NUP58: variants seen among roughly 807,000 people sequenced by gnomAD.
NUP58 encodes nucleoporin p58/p45.
NUP58 carries 17 observed loss-of-function variants against 70.1 expected under a neutral mutation model. That is an observed-to-expected ratio of 0.24 (90% confidence interval 0.17 to 0.36). The LOEUF is 0.36. Ranked by LOEUF, NUP58 falls within the 10% of genes least tolerant of loss-of-function variation. The pLI, the probability that NUP58 is intolerant of heterozygous loss-of-function variation, is 1.00. For synonymous variants in NUP58, 275 were observed against 257.6 expected (o/e 1.07, Z -0.65); for missense variants, 644 against 701.5 (o/e 0.92, Z 0.93).
chr13:25,340,916 C>T lies in NUP58; in HGVS notation c.*782C>T, dbSNP rs2031935352. The T allele has an allele frequency of 6.6e-6, 1 of 152,152 alleles. No individual in the cohort carries two copies. The allele number at this position is 152,152 out of a possible 1,614,324, so 9.4% of individuals were successfully genotyped here. On this transcript the variant is annotated 3_prime_UTR_variant, in exon 16 of 16. Coordinates refer to ENST00000381736, the MANE Select transcript of NUP58 (RefSeq NM_014089.4). ...CTGGGCAACAAGAGCAAAACTCCGTCTCAAAAAAGATGAAAATAAAATAAA... is the reference window on the plus strand; with the variant it reads ...CTGGGCAACAAGAGCAAAACTCCGTTTCAAAAAAGATGAAAATAAAATAAA...
At chr13:25,315,929 G>C (rs1424919999) in intron 6 of NUP58, among the ~76,000 whole-genome samples, 1 of 152,152 alleles carries the variant, frequency 6.6e-6, no homozygotes, top group Non-Finnish European at 1.5e-5. Context: ...TGACCTTATT[G>C]AAGTTACTTA....
intron 3 of NUP58, 138 bp downstream of exon 3, chr13:25,309,420 C>T: frequency 1.6e-6 from 1 of 620,920 alleles, no homozygotes; most frequent in Non-Finnish European, 2.7e-6. Flanking sequence ...CAGATGGTGA[C>T]TTATCGGAGA....
chr13:25,328,266 A>C (rs2031476980), intron 12 of NUP58, among the ~76,000 whole-genome samples: 1 of 152,136 alleles, frequency 6.6e-6, no homozygotes, highest in South Asian at 2.1e-4. Flanking sequence ...ATCTGTTTTA[A>C]GTGTTTATTG....
intron 13 of NUP58, chr13:25,335,992 A>G (rs1366761187): frequency 1.4e-5 from 16 of 1,104,254 alleles, no homozygotes; most frequent in South Asian, 2.1e-5. Flanking sequence ...AAAAAATAGT[A>G]GTTTAAAAGA....
intron 13 of NUP58, 123 bp from the exon 14 acceptor site, chr13:25,336,813 T>C: frequency 3.3e-6 from 2 of 613,944 alleles, no homozygotes; most frequent in Non-Finnish European, 5.4e-6. Flanking sequence ...TTTTAACAAA[T>C]GGAATCAGTT....
At chr13:25,345,584 TGG>T (rs58929945), downstream of NUP58, among the ~76,000 whole-genome samples, 10 of 147,582 alleles carry the variant, frequency 6.8e-5, no homozygotes, top group Non-Finnish European at 8.9e-5. Context: ...ATGGGGGCGG[TGG>T]GGGGGGGTCT....
intron 13 of NUP58, chr13:25,332,899 C>T (rs2031660602): frequency 2.0e-6 from 2 of 984,342 alleles, no homozygotes. Flanking sequence ...CTCATGATTA[C>T]CTAACCAGTT....
At chr13:25,331,673 C>G in intron 13 of NUP58, 115 bp downstream of exon 13, 1 of 1,480,930 alleles carries the variant, frequency 6.8e-7, no homozygotes, top group Non-Finnish European at 9.0e-7. Flanking sequence ...AGTAGCTGTT[C>G]CAATACAATC....
chr13:25,343,843 GCACACACACACATACATACACA>G (rs2032014739), downstream of NUP58, among the ~76,000 whole-genome samples: 2 of 139,534 alleles, frequency 1.4e-5, no homozygotes, highest in Non-Finnish European at 3.1e-5. Context: ...ATATATATAC[GCACACACACACATACATACACA>G]CACACACCCC....
At chr13:25,305,130 G>GTTTTTT (rs562132125) in intron 1 of NUP58, among the ~76,000 whole-genome samples, 37 of 58,572 alleles carry the variant, frequency 6.3e-4, no homozygotes, top group East Asian at 2.6e-3. Flanking sequence ...GATCTGTGGG[G>GTTTTTT]TTTTTTTTTT....
chr13:25,344,270 A>G (rs1377648726), downstream of NUP58, among the ~76,000 whole-genome samples: 1 of 152,194 alleles, frequency 6.6e-6, no homozygotes, highest in East Asian at 1.9e-4. Flanking sequence ...AGCTGTGTTC[A>G]GAATCCCGCC....
intron 13 of NUP58, chr13:25,335,712 T>C: frequency 1.0e-6 from 1 of 984,096 alleles, no homozygotes. Context: ...CGGTTGTTTT[T>C]CTTTAAATGC....
intron 1 of NUP58, chr13:25,302,961 G>T (rs1593170241): frequency 8.8e-6 from 4 of 456,502 alleles, no homozygotes; most frequent in African/African-American, 4.0e-5. Context: ...GTCATTCGTG[G>T]AACAAATATT....
chr13:25,325,038 G>A lies in NUP58; in HGVS notation c.1001G>A (p.Gly334Glu). The A allele has an allele frequency of 6.2e-7, 1 of 1,611,184 alleles. No individual in the cohort carries two copies. The highest frequency in any genetic ancestry group is 8.5e-7 in the Non-Finnish European group (1 of 1,178,962). The stretch of plus-strand genomic sequence containing the variant: ...TTAAGAACCCAGAAGACACCACCTG[G>A]ACTTCAACATGAATATGCAGCTCCT... ...IALRTQKTPP[G>E]LQHEYAAPAD... The change falls in exon 10 of 16, where the codon GGA becomes GAA. Residue 334 changes from glycine (G) to glutamate (E), a missense_variant. Transcript: ENST00000381736.
At chr13:25,348,579 A>G (rs1275222581) in intron 3 of NUP58, among the ~76,000 whole-genome samples, 1 of 152,194 alleles carries the variant, frequency 6.6e-6, no homozygotes, top group Non-Finnish European at 1.5e-5. Flanking sequence ...CCTGGCTAGT[A>G]TAAAATTTAA....
chr13:25,348,109 G>T (rs1254178902), intron 3 of NUP58, among the ~76,000 whole-genome samples: 1 of 152,128 alleles, frequency 6.6e-6, no homozygotes, highest in Non-Finnish European at 1.5e-5. Flanking sequence ...CGTGATTGAG[G>T]AACTGAACTT....
intron 10 of NUP58, among the ~76,000 whole-genome samples, chr13:25,325,298 G>A (rs574971290): frequency 6.6e-6 from 1 of 152,090 alleles, no homozygotes; most frequent in Admixed American, 6.5e-5. Flanking sequence ...CCACTATTAC[G>A]CATTTATACT....
chr13:25,320,836 T>C (rs532677519), intron 8 of NUP58, 83 bp from the exon 9 acceptor site: 2 of 913,284 alleles, frequency 2.2e-6, no homozygotes, highest in Non-Finnish European at 3.2e-6. Context: ...TTAAAACACT[T>C]GGACTGTTTT....
At chr13:25,307,662 G>T (rs2030437325) in intron 1 of NUP58, 144 bp from the exon 2 acceptor site, 10 of 656,532 alleles carry the variant, frequency 1.5e-5, no homozygotes, top group Non-Finnish European at 2.4e-5. Context: ...TTTCTTTTTG[G>T]GTCCTATGAC....
Sources: allele counts gnomAD v4.1 joint callset (sites outside exome capture counted in the v4.1 genomes callset), GRCh38; gene constraint gnomAD v4.1.1; transcripts MANE v1.5; gene names NCBI Gene and HGNC (gene_info 2026-07-23, HGNC 2026-07-21).